Variants in ARSF observed in about 807,000 individuals in gnomAD.
The protein encoded by ARSF is arylsulfatase F.
A neutral mutation model predicts 35.4 loss-of-function variants in ARSF; 33 were observed. The observed-to-expected ratio is 0.93, with a 90% CI of 0.71 to 1.25. ARSF has a LOEUF of 1.25. ARSF is among the 50% of genes most tolerant of loss of function. The pLI, the probability that ARSF is intolerant of heterozygous loss-of-function variation, is 0.00. For synonymous variants in ARSF, 222 were observed against 193.1 expected (o/e 1.15, Z -1.24); for missense variants, 501 against 480.2 (o/e 1.04, Z -0.40).
intron 1 of ARSF, among the ~76,000 whole-genome samples, chrX:3,059,660 A>C (rs1224856440): frequency 1.8e-5 from 2 of 112,250 alleles, no homozygotes; most frequent in African/African-American, 6.5e-5. Context: ...GGCAGTTCCC[A>C]CTCCCACAGA....
intron 1 of ARSF, among the ~76,000 whole-genome samples, chrX:3,056,861 T>C (rs770641895): frequency 1.8e-5 from 2 of 111,458 alleles, no homozygotes; most frequent in East Asian, 5.7e-4. Flanking sequence ...AACCTGTGTC[T>C]GTTTCAACCC....
rs1329192672 is a variant in ARSF, at chrX:3,089,626, A to G, written c.961A>G (p.Met321Val). 1.7e-6 allele frequency: 2 copies of G among 1,210,685 alleles called. No individual in the cohort carries two copies. The highest frequency in any genetic ancestry group is 3.0e-5 in the East Asian group (1 of 33,777). Residue 321 changes from methionine to valine, a missense_variant, in exon 7 of 11, where the codon ATG becomes GTG. Met to Val is a conservative substitution (Grantham distance 21, BLOSUM62 1). Transcript: ENST00000381127. Reference sequence around the variant, plus strand: ...GGATAATGTGGAAGAGATGGACTCCATGGTGGGTAAGTCACAGGACTTAAG... The same window carrying G: ...GGATAATGTGGAAGAGATGGACTCCGTGGTGGGTAAGTCACAGGACTTAAG... ...YGDNVEEMDS[M>V]VGKILDAIDD...
At chrX:3,058,224 G>A (rs1161073538) in intron 1 of ARSF, 1 of 112,067 alleles carries the variant, frequency 8.9e-6, no homozygotes, top group Non-Finnish European at 1.9e-5. Flanking sequence ...TTTTTTAGGA[G>A]ATAGGGTCTT....
At chrX:3,066,426 T>A (rs145621204) in intron 1 of ARSF, among the ~76,000 whole-genome samples, 75 of 111,088 alleles carry the variant, frequency 6.8e-4, no homozygotes, top group African/African-American at 2.3e-3. Context: ...CCACCTTTAG[T>A]TGGGAGCACA....
chrX:3,110,153 C>T lies in ARSF; in HGVS notation c.1291C>T (p.Pro431Ser), dbSNP rs1248515269. 1 of 1,198,124 alleles carries T rather than the reference C, an allele frequency of 8.3e-7. No homozygotes were observed. The highest frequency in any genetic ancestry group is 1.8e-5 in the South Asian group (1 of 54,529). ...DRVIDGRDLM[P>S]LLQGNVRHSE... ...GGTCATTGACGGCCGAGACCTCATG[C>T]CCTTGCTGCAGGGCAACGTCAGGCA... is the stretch of plus-strand genomic sequence containing the variant. The change falls in exon 10 of 11, where the codon CCC becomes TCC. Residue 431 changes from proline (P) to serine (S), a missense_variant. Coordinates refer to ENST00000381127, the MANE Select transcript of ARSF (RefSeq NM_001201539.2).
At chrX:3,067,889 A>G (rs916206828) in intron 1 of ARSF, among the ~76,000 whole-genome samples, 184 bp from the exon 2 acceptor site, 9 of 110,438 alleles carry the variant, frequency 8.1e-5, no homozygotes, top group African/African-American at 3.0e-4. Context: ...GAATGAACTC[A>G]TTGAAAGTTC....
At chrX:3,084,066 C>CA (rs1342188325) in intron 5 of ARSF, among the ~76,000 whole-genome samples, 177 bp from the exon 6 acceptor site, 1 of 111,404 alleles carries the variant, frequency 9.0e-6, no homozygotes, top group Non-Finnish European at 1.9e-5. Flanking sequence ...TAAAGAAGAA[C>CA]AAAAAAAATG....
At chrX:3,076,122 T>C (rs1366674554) in intron 3 of ARSF, among the ~76,000 whole-genome samples, 2 of 108,074 alleles carry the variant, frequency 1.9e-5, no homozygotes, top group African/African-American at 6.7e-5. Flanking sequence ...TCTCTGTCTT[T>C]CTCTCTCTCT....
Position 3,108,113 on chromosome X carries a change from G to A in ARSF, c.1266-2015G>A, listed in dbSNP as rs181672088. Among the ~76,000 whole-genome samples, 40 of 111,896 alleles carry A rather than the reference G, an allele frequency of 3.6e-4. 1 individual carries two copies. Among genetic ancestry groups the A allele is most frequent in the African/African-American group, 1.3e-3 (40 of 30,905 alleles). On this transcript the variant is annotated intron_variant, in intron 9 of 10. Coordinates refer to ENST00000381127, the MANE Select transcript of ARSF (RefSeq NM_001201539.2). ...AATTATTTTGAGCATTTGTTGAAAA[G>A]CAGTATACGTGTTGGTCAATTCCTG...
chrX:3,105,240 AAACT>A (rs1939038160), intron 9 of ARSF, among the ~76,000 whole-genome samples: 1 of 112,310 alleles, frequency 8.9e-6, no homozygotes, highest in African/African-American at 3.2e-5. Flanking sequence ...ACTGAAAAAC[AAACT>A]ATCAAGAACT....
intron 7 of ARSF, among the ~76,000 whole-genome samples, chrX:3,091,427 C>A (rs1028942821): frequency 8.9e-6 from 1 of 112,222 alleles, no homozygotes; most frequent in Non-Finnish European, 1.9e-5. Context: ...TATTGATTAG[C>A]AAAATGGCTT....
Position 3,076,556 on chromosome X carries a change from A to ACAT in ARSF, c.172_174dup (p.Ile58dup), listed in dbSNP as rs749193040. 1.2e-5 allele frequency: 15 copies of ACAT among 1,200,794 alleles called. No homozygotes were observed. In the African/African-American group the frequency reaches 2.7e-4, roughly 21 times the overall value. ...TCCCTCTCCCCCTTCAGGACGCCTC[A>ACAT]CATCGACCGCCTTGCCAGGGAAGGC... is the stretch of plus-strand genomic sequence containing the variant. On this transcript the variant is annotated inframe_insertion, in exon 4 of 11. Coordinates refer to ENST00000381127, the MANE Select transcript of ARSF (RefSeq NM_001201539.2).
At chrX:3,087,957 C>T (rs897057130) in intron 6 of ARSF, among the ~76,000 whole-genome samples, 2 of 112,143 alleles carry the variant, frequency 1.8e-5, no homozygotes, top group African/African-American at 6.5e-5. Flanking sequence ...TTCAAGACAC[C>T]ATGACATAAG....
At chrX:3,108,379 A>G (rs1329843434) in intron 9 of ARSF, among the ~76,000 whole-genome samples, 2 of 112,203 alleles carry the variant, frequency 1.8e-5, no homozygotes, top group Non-Finnish European at 3.8e-5. Flanking sequence ...CTATAGATCA[A>G]TTTGCAGAAA....
At chrX:3,044,634 C>A (rs1345145302) in intron 1 of ARSF, among the ~76,000 whole-genome samples, 1 of 110,349 alleles carries the variant, frequency 9.1e-6, no homozygotes, top group Non-Finnish European at 1.9e-5. Flanking sequence ...GGCTGGGCTC[C>A]CCTCCAAAAC....
chrX:3,105,183 G>C (rs751581986), intron 9 of ARSF, among the ~76,000 whole-genome samples: 140 of 111,891 alleles, frequency 1.3e-3, no homozygotes, highest in Non-Finnish European at 1.8e-3. Flanking sequence ...AGGTTCTGTT[G>C]GCACTAATAC....
chrX:3,057,364 T>C (rs7877788), intron 1 of ARSF, among the ~76,000 whole-genome samples: 8,145 of 111,572 alleles, frequency 0.073, 417 homozygotes, highest in African/African-American at 0.18. Flanking sequence ...TTAAAAGCTC[T>C]CTTCAGCTCC....
intron 3 of ARSF, among the ~76,000 whole-genome samples, chrX:3,073,575 A>G (rs1444135647): frequency 2.0e-5 from 2 of 98,412 alleles, no homozygotes; most frequent in East Asian, 5.8e-4. Flanking sequence ...ATTTAATTAT[A>G]CATATATAAA....
At chrX:3,051,254 G>A (rs2089996159) in intron 1 of ARSF, among the ~76,000 whole-genome samples, 1 of 111,858 alleles carries the variant, frequency 8.9e-6, no homozygotes, top group South Asian at 3.7e-4. Flanking sequence ...ATTGAGGGGT[G>A]TCTTATGTCT....
Sources: allele counts gnomAD v4.1 joint callset (sites outside exome capture counted in the v4.1 genomes callset), GRCh38; gene constraint gnomAD v4.1.1; transcripts MANE v1.5; gene names NCBI Gene and HGNC (gene_info 2026-07-23, HGNC 2026-07-21).